BSPH1: variants seen among roughly 807,000 people sequenced by gnomAD.
The protein encoded by BSPH1 is binder of sperm protein homolog 1.
Under a neutral mutation model 22.5 loss-of-function variants are expected in BSPH1, and 21 were observed. That is an observed-to-expected ratio of 0.93 (90% CI 0.66 to 1.35). The LOEUF (loss-of-function observed/expected upper bound fraction) is 1.35. Ranked by LOEUF, BSPH1 falls within the 40% of genes most tolerant of loss-of-function variation. The pLI is 0.00. For synonymous variants in BSPH1, 42 were observed against 53.6 expected, an observed-to-expected ratio of 0.78 and a Z score of 0.95; for missense variants, 141 against 154.2, an observed-to-expected ratio of 0.91 and a Z score of 0.45.
At chr19:47,978,019 T>TA (rs1348707503) in intron 3 of BSPH1, among the ~76,000 whole-genome samples, 2 of 145,210 alleles carry the variant, frequency 1.4e-5, no homozygotes, top group African/African-American at 5.1e-5. Flanking sequence ...TATATATATA[T>TA]ATATATATAT....
chr19:47,988,326 C>G (rs1449898953), intron 1 of BSPH1, among the ~76,000 whole-genome samples: 1 of 152,172 alleles, frequency 6.6e-6, no homozygotes, highest in Admixed American at 6.5e-5. Context: ...CGCATGCTAA[C>G]CCATTTAATC....
chr19:47,978,082 C>T (rs982204101), intron 3 of BSPH1, among the ~76,000 whole-genome samples: 2 of 144,816 alleles, frequency 1.4e-5, no homozygotes, highest in Non-Finnish European at 3.0e-5. Context: ...TTTTGCTACC[C>T]TTCAAAATGA....
chr19:47,973,218 AAATAATAAT>A (rs60548503), intron 5 of BSPH1, among the ~76,000 whole-genome samples: 9,574 of 132,018 alleles, frequency 0.073, 418 homozygotes, highest in South Asian at 0.11. Flanking sequence ...CTCCGTCTCA[AAATAATAAT>A]AATAATAATA....
chr19:47,970,014 TGTGA>T (rs1382309774), intron 5 of BSPH1, among the ~76,000 whole-genome samples: 3 of 150,140 alleles, frequency 2.0e-5, no homozygotes, highest in Non-Finnish European at 4.4e-5. Flanking sequence ...TTTGTGTGTG[TGTGA>T]GAGAGAGAGA....
chr19:47,974,100 G>A (rs906039118), intron 5 of BSPH1, among the ~76,000 whole-genome samples: 1 of 151,864 alleles, frequency 6.6e-6, no homozygotes, highest in Non-Finnish European at 1.5e-5. Context: ...TGCACCTCCC[G>A]GCTCTCTCTC....
intron 1 of BSPH1, among the ~76,000 whole-genome samples, chr19:47,987,812 C>A (rs1010493880): frequency 6.6e-6 from 1 of 151,900 alleles, no homozygotes; most frequent in Admixed American, 6.6e-5. Context: ...GGCAACTTGG[C>A]GAAATCTTAT....
chr19:47,987,100 C>A (rs180929202), intron 1 of BSPH1, among the ~76,000 whole-genome samples: 1 of 152,150 alleles, frequency 6.6e-6, no homozygotes, highest in Non-Finnish European at 1.5e-5. Context: ...TCTTAATTAC[C>A]GACATCTGCA....
At chr19:47,981,046 T>A in intron 1 of BSPH1, 105 bp from the exon 2 acceptor site, 1 of 605,174 alleles carries the variant, frequency 1.7e-6, no homozygotes, top group East Asian at 3.3e-5. Flanking sequence ...ATTTTGAAAG[T>A]TAGACATCAA....
At chr19:47,991,077 G>A (rs1418559907) in intron 1 of BSPH1, among the ~76,000 whole-genome samples, 2 of 152,142 alleles carry the variant, frequency 1.3e-5, no homozygotes, top group Admixed American at 6.5e-5. Flanking sequence ...CCTAAAGCAA[G>A]GGAGACTGTT....
chr19:47,991,879 C>G (rs946553683), intron 1 of BSPH1, 130 bp downstream of exon 1: 1 of 535,484 alleles, frequency 1.9e-6, no homozygotes, highest in African/African-American at 1.9e-5. Context: ...CCTTCCTCCT[C>G]CTTCCCCTCT....
intron 1 of BSPH1, chr19:47,981,715 T>TC (rs1969421880): frequency 8.3e-6 from 8 of 958,152 alleles, no homozygotes; most frequent in Non-Finnish European, 9.9e-6. Context: ...TGTCAAGTCC[T>TC]CCCCAGTTTG....
downstream of BSPH1, among the ~76,000 whole-genome samples, chr19:47,967,622 T>G (rs1969271040): frequency 1.3e-5 from 2 of 152,162 alleles, no homozygotes; most frequent in Admixed American, 1.3e-4. Context: ...AATTTTCTCT[T>G]CTTATAAGGA....
intron 5 of BSPH1, among the ~76,000 whole-genome samples, chr19:47,968,695 A>AAAAG (rs1555730469): frequency 6.7e-6 from 1 of 149,712 alleles, no homozygotes; most frequent in East Asian, 2.0e-4. Context: ...AAAAAAAAAA[A>AAAAG]AAAAAAAAGA....
intron 1 of BSPH1, among the ~76,000 whole-genome samples, chr19:47,986,794 ATAGACTGTTTGGTC>A (rs1969475230): frequency 6.6e-6 from 1 of 152,166 alleles, no homozygotes; most frequent in Non-Finnish European, 1.5e-5. Flanking sequence ...ACAAAGTACC[ATAGACTGTTTGGTC>A]TAGAGCAATA....
At chr19:47,976,154 T>C (rs1360286981) in intron 5 of BSPH1, among the ~76,000 whole-genome samples, 2 of 150,048 alleles carry the variant, frequency 1.3e-5, no homozygotes, top group African/African-American at 4.9e-5. Context: ...TTATTTTACT[T>C]CATTTATTTT....
intron 5 of BSPH1, among the ~76,000 whole-genome samples, chr19:47,972,336 A>G (rs1325219140): frequency 6.8e-6 from 1 of 147,054 alleles, no homozygotes; most frequent in Non-Finnish European, 1.5e-5. Flanking sequence ...GGTTTATTAT[A>G]CAGGTAAATT....
At chr19:47,977,934 G>T (rs559870601) in intron 3 of BSPH1, among the ~76,000 whole-genome samples, 4 of 144,758 alleles carry the variant, frequency 2.8e-5, no homozygotes, top group South Asian at 4.4e-4. Context: ...TATCTGTGTT[G>T]TATGGTTTTA....
intron 1 of BSPH1, among the ~76,000 whole-genome samples, chr19:47,984,096 C>T (rs1685288477): frequency 6.6e-6 from 1 of 150,486 alleles, no homozygotes; most frequent in South Asian, 2.1e-4. Flanking sequence ...ATCCACCCAC[C>T]TCGGCCTCCC....
At chr19:47,980,480 T>TC (rs199522154) in intron 2 of BSPH1, 15,369 of 251,578 alleles carry the variant, frequency 0.061, 376 homozygotes, top group East Asian at 0.15. Context: ...CTTCTTTCTT[T>TC]TTTTTTTTTT....
Sources: allele counts gnomAD v4.1 joint callset (sites outside exome capture counted in the v4.1 genomes callset), GRCh38; gene constraint gnomAD v4.1.1; transcripts MANE v1.5; gene names NCBI Gene and HGNC (gene_info 2026-07-23, HGNC 2026-07-21).